Variants in TIAM1 observed in about 807,000 individuals in gnomAD.
TIAM1 encodes the protein TIAM Rac1 associated GEF 1, also known as rho guanine nucleotide exchange factor TIAM1.
A neutral mutation model predicts 163.5 loss-of-function variants in TIAM1; 65 were observed. The ratio of observed to expected loss-of-function variants is 0.40; its 90% CI spans 0.33 to 0.49. TIAM1 has a LOEUF of 0.49. Among genes scored for constraint, TIAM1 ranks in the 20% least tolerant of loss-of-function variants. The pLI is 0.77. For missense variants in TIAM1, 1,789 were observed against 2,044.7 expected, an observed-to-expected ratio of 0.87 and a Z score of 2.41; for synonymous variants, 833 against 810.1, an observed-to-expected ratio of 1.03 and a Z score of -0.48.
intron 1 of TIAM1, among the ~76,000 whole-genome samples, chr21:31,493,992 G>A (rs1043977973): frequency 2.0e-5 from 3 of 152,146 alleles, no homozygotes; most frequent in Admixed American, 6.6e-5. Context: ...TCAGCTCACT[G>A]CAACCTCCAC....
At chr21:31,252,735 C>T (rs1282708756) in intron 4 of TIAM1, among the ~76,000 whole-genome samples, 1 of 152,138 alleles carries the variant, frequency 6.6e-6, no homozygotes, top group African/African-American at 2.4e-5. Context: ...GCTAGTGCAC[C>T]GCCTCACCCA....
rs1166352524 is a variant in TIAM1 at position 31,141,643 on chromosome 21, G to A, written c.3476-139C>T. Reference sequence around the variant, plus strand: ...GAGTGGGTGGCAGGAAGAGGGACAGGTAGGGGAGGGGGCAGTCAGGGAGAC... The same window carrying A: ...GAGTGGGTGGCAGGAAGAGGGACAGATAGGGGAGGGGGCAGTCAGGGAGAC... On this transcript the variant is annotated intron_variant, in intron 20 of 27. Coordinates refer to ENST00000541036, the MANE Select transcript of TIAM1 (RefSeq NM_001353694.2). This position sits in a 1 kb window ranked among gnomAD's most constrained non-coding sequence, Gnocchi z 4.7. The A allele has an allele frequency of 8.9e-6, 8 of 896,872 alleles. No homozygotes were observed. Among genetic ancestry groups the A allele is most frequent in the East Asian group, 2.5e-5 (1 of 39,318 alleles). 55.6% of individuals were successfully genotyped at this position (896,872 alleles called of 1,614,324 possible).
intron 1 of TIAM1, among the ~76,000 whole-genome samples, chr21:31,485,123 G>A (rs771002257): frequency 5.3e-5 from 8 of 152,068 alleles, no homozygotes; most frequent in Non-Finnish European, 8.8e-5. Context: ...TTCTTTCAGA[G>A]TAGCAAAACA....
chr21:31,199,370 C>T (rs2086065013), intron 12 of TIAM1, among the ~76,000 whole-genome samples: 1 of 152,000 alleles, frequency 6.6e-6, no homozygotes, highest in African/African-American at 2.4e-5. Context: ...GGCACTTAGG[C>T]TCTACATGGC....
intron 27 of TIAM1, among the ~76,000 whole-genome samples, chr21:31,122,593 C>T (rs2839964): frequency 6.6e-6 from 1 of 152,192 alleles, no homozygotes; most frequent in South Asian, 2.1e-4. Flanking sequence ...TCTTTCAGCT[C>T]TTCTATAAGT....
intron 2 of TIAM1, among the ~76,000 whole-genome samples, chr21:31,368,612 G>A (rs1031612431): frequency 2.0e-5 from 3 of 152,144 alleles, no homozygotes; most frequent in Non-Finnish European, 4.4e-5. Context: ...AAATAGATGC[G>A]TGAACAGATC....
intron 9 of TIAM1, among the ~76,000 whole-genome samples, chr21:31,214,038 CAATAGGTT>C (rs1315665495): frequency 6.6e-6 from 1 of 151,086 alleles, no homozygotes; most frequent in Non-Finnish European, 1.5e-5. Context: ...AAGAGAAAGA[CAATAGGTT>C]AGGCGTGGTG....
chr21:31,475,025 T>TTATTATTATTATTATTA (rs1555995982), intron 1 of TIAM1, among the ~76,000 whole-genome samples: 3 of 118,714 alleles, frequency 2.5e-5, no homozygotes, highest in Admixed American at 2.4e-4. Context: ...GAGCTAGTTT[T>TTATTATTATTATTATTA]TTATTATTAT....
chr21:31,364,221 C>A (rs1168658219), intron 2 of TIAM1, among the ~76,000 whole-genome samples: 1 of 152,114 alleles, frequency 6.6e-6, no homozygotes, highest in African/African-American at 2.4e-5. Flanking sequence ...ATTAGAGGCC[C>A]CAGCACTGCA....
intron 27 of TIAM1, among the ~76,000 whole-genome samples, chr21:31,121,285 G>A (rs1165952462): frequency 6.6e-6 from 1 of 152,164 alleles, no homozygotes; most frequent in Middle Eastern, 3.2e-3. Flanking sequence ...GATCCCCAGG[G>A]CTGTCCCAGG....
At chr21:31,333,708 G>C (rs2075752751) in intron 2 of TIAM1, among the ~76,000 whole-genome samples, 1 of 152,152 alleles carries the variant, frequency 6.6e-6, no homozygotes, top group African/African-American at 2.4e-5. Flanking sequence ...CCAAAGTGCT[G>C]GGACTATGGG....
At chr21:31,131,000 C>T in intron 23 of TIAM1, 52 bp from the exon 24 acceptor site, 1 of 1,509,224 alleles carries the variant, frequency 6.6e-7, no homozygotes, top group Non-Finnish European at 9.2e-7. Flanking sequence ...TAGGGTTTTC[C>T]CCTTGACATC....
chr21:31,379,264 G>T (rs66593147), intron 2 of TIAM1, among the ~76,000 whole-genome samples: 8,886 of 152,136 alleles, frequency 0.058, 621 homozygotes, highest in African/African-American at 0.17. Flanking sequence ...GAGCCACCTC[G>T]CCTGGCCTAC....
At chr21:31,534,613 G>A (rs1052464133) in intron 1 of TIAM1, among the ~76,000 whole-genome samples, 1 of 152,156 alleles carries the variant, frequency 6.6e-6, no homozygotes, top group African/African-American at 2.4e-5. Flanking sequence ...GGCAGAGGTT[G>A]CAGTGAGTCG....
intron 13 of TIAM1, among the ~76,000 whole-genome samples, chr21:31,189,555 A>C (rs929463377): frequency 6.6e-6 from 1 of 152,224 alleles, no homozygotes; most frequent in African/African-American, 2.4e-5. Context: ...GATAATGGGC[A>C]TAAGTTCCTT....
chr21:31,443,420 C>A (rs980506301), intron 2 of TIAM1, among the ~76,000 whole-genome samples: 2 of 152,214 alleles, frequency 1.3e-5, no homozygotes, highest in African/African-American at 4.8e-5. Flanking sequence ...TGGTTTAATT[C>A]TTTTCCTTTT....
At chr21:31,231,847 T>C (rs2088456944) in intron 6 of TIAM1, among the ~76,000 whole-genome samples, 1 of 152,066 alleles carries the variant, frequency 6.6e-6, no homozygotes, top group Non-Finnish European at 1.5e-5. Flanking sequence ...ACCCCGTCTC[T>C]ACTAACAATA....
chr21:31,508,844 A>C (rs115895903), intron 1 of TIAM1, among the ~76,000 whole-genome samples: 9,334 of 152,114 alleles, frequency 0.061, 745 homozygotes, highest in African/African-American at 0.18. Flanking sequence ...AAGCTAGCCC[A>C]CAGGGCAGTT....
At chr21:31,494,823 CAG>C (rs1169668135) in intron 1 of TIAM1, among the ~76,000 whole-genome samples, 2 of 150,040 alleles carry the variant, frequency 1.3e-5, no homozygotes, top group African/African-American at 4.9e-5. Flanking sequence ...AGCCTGGCGA[CAG>C]AGTGAGACTC....
Sources: gnomAD v4.1 joint callset for allele counts (sites outside exome capture counted in the v4.1 genomes callset) on GRCh38, gnomAD v4.1.1 for gene constraint, Gnocchi (gnomAD v3.1) non-coding constraint, MANE v1.5 for transcripts, NCBI Gene and HGNC (gene_info 2026-07-23, HGNC 2026-07-21) for gene names.